Variants in CNTN5 observed in about 807,000 individuals in gnomAD.
CNTN5 encodes the protein contactin 5, also known as contactin-5.
A neutral mutation model predicts 129.1 loss-of-function variants in CNTN5; 77 were observed. The observed-to-expected ratio is 0.60, with a 90% CI of 0.50 to 0.72. The LOEUF is 0.72. Ranked by LOEUF, CNTN5 falls within the 30% of genes least tolerant of loss-of-function variation. CNTN5 has a pLI of 0.00. For synonymous variants in CNTN5, 509 were observed against 465.6 expected (o/e 1.09, Z -1.20); for missense variants, 1,478 against 1,328.8 (o/e 1.11, Z -1.75).
At chr11:99,320,535 G>A (rs1432580387) in intron 1 of CNTN5, among the ~76,000 whole-genome samples, 1 of 152,096 alleles carries the variant, frequency 6.6e-6, no homozygotes. Context: ...AGGAATTAAA[G>A]AAAGCCAGAA....
intron 1 of CNTN5, among the ~76,000 whole-genome samples, chr11:99,239,170 A>G (rs1031465046): frequency 2.0e-5 from 3 of 152,182 alleles, no homozygotes; most frequent in East Asian, 3.9e-4. Flanking sequence ...ATATTTTCCA[A>G]TTGAGATGTA....
intron 1 of CNTN5, among the ~76,000 whole-genome samples, chr11:99,294,391 G>T (rs547873866): frequency 6.6e-5 from 10 of 152,174 alleles, no homozygotes; most frequent in Non-Finnish European, 1.0e-4. Context: ...ATTTGAAAAA[G>T]AAATTAGGAA....
At position 99,927,746 on chromosome 11, in the gene CNTN5, A is replaced by T. The variant is rs182503469; in HGVS notation, c.673+11597A>T. 5.3e-5 allele frequency among the ~76,000 whole-genome samples: 8 copies of T among 152,212 alleles called. No homozygotes were observed. The East Asian group carries it at 1.6e-3, about 30-fold the overall frequency. On this transcript the variant is annotated intron_variant, in intron 7 of 24. Coordinates refer to ENST00000524871, the MANE Select transcript of CNTN5 (RefSeq NM_014361.4). ...TATGGGAGCTTCAATTCAAAATGAG[A>T]TTTGTATGGAGACACAGCCAAATCA...
intron 18 of CNTN5, 45 bp downstream of exon 18, chr11:100,271,286 C>T (rs753928868): frequency 6.8e-6 from 10 of 1,463,916 alleles, no homozygotes; most frequent in Admixed American, 2.2e-5. Flanking sequence ...TGCTTCTAAT[C>T]GTCTTGAAAG....
chr11:99,457,509 C>T (rs1183679078), intron 2 of CNTN5, among the ~76,000 whole-genome samples: 1 of 151,648 alleles, frequency 6.6e-6, no homozygotes, highest in Non-Finnish European at 1.5e-5. Context: ...AAAACAATAG[C>T]TGTATGTGGA....
intron 2 of CNTN5, among the ~76,000 whole-genome samples, chr11:99,381,203 T>C (rs1940538194): frequency 6.6e-6 from 1 of 152,068 alleles, no homozygotes; most frequent in South Asian, 2.1e-4. Context: ...CGGTAAGTGC[T>C]ACAATATAAA....
At chr11:99,889,865 C>G (rs1204877642) in intron 6 of CNTN5, among the ~76,000 whole-genome samples, 1 of 152,018 alleles carries the variant, frequency 6.6e-6, no homozygotes, top group Non-Finnish European at 1.5e-5. Context: ...CTTATACTTC[C>G]AAAATACTAT....
At chr11:99,257,545 T>A (rs986026264) in intron 1 of CNTN5, among the ~76,000 whole-genome samples, 1 of 152,080 alleles carries the variant, frequency 6.6e-6, no homozygotes, top group African/African-American at 2.4e-5. Context: ...TATTCATTGA[T>A]TTTTTTAATG....
At position 99,652,682 on chromosome 11, in the gene CNTN5, T is replaced by G. The variant is rs545960630; in HGVS notation, c.55+96413T>G. Among the ~76,000 whole-genome samples the G allele has an allele frequency of 2.2e-3, 341 of 152,236 alleles. 1 individual carries two copies. Among genetic ancestry groups the G allele is most frequent in the African/African-American group, 7.5e-3 (311 of 41,564 alleles). ...ATAATTTATATAACTTAGTCCATTTTGTACAACTATTTAAGTTTGCAGTCG... is the reference window on the plus strand; with the variant it reads ...ATAATTTATATAACTTAGTCCATTTGGTACAACTATTTAAGTTTGCAGTCG... On this transcript the variant is annotated intron_variant, in intron 3 of 24. Coordinates refer to ENST00000524871, the MANE Select transcript of CNTN5 (RefSeq NM_014361.4).
chr11:99,680,344 T>G (rs762737575), intron 3 of CNTN5, among the ~76,000 whole-genome samples: 7 of 152,146 alleles, frequency 4.6e-5, no homozygotes, highest in Non-Finnish European at 7.4e-5. Context: ...ATTGTTAAGT[T>G]GTAATGCACC....
intron 13 of CNTN5, among the ~76,000 whole-genome samples, chr11:100,108,628 C>T (rs761313862): frequency 2.2e-4 from 34 of 152,202 alleles, no homozygotes; most frequent in Middle Eastern, 6.8e-3. Context: ...TTTGAGTCCC[C>T]ATTATATATG....
chr11:99,101,617 A>C (rs932712068), intron 1 of CNTN5, among the ~76,000 whole-genome samples: 1 of 152,212 alleles, frequency 6.6e-6, no homozygotes, highest in African/African-American at 2.4e-5. Flanking sequence ...TGGGGCAGTC[A>C]AATCTATGAA....
At chr11:100,261,809 T>A (rs548424096) in intron 17 of CNTN5, among the ~76,000 whole-genome samples, 110 of 152,092 alleles carry the variant, frequency 7.2e-4, no homozygotes, top group African/African-American at 1.9e-3. Context: ...AAGATGGATT[T>A]AAGACTTAAA....
chr11:99,136,408 AT>A (rs1274018472), intron 1 of CNTN5, among the ~76,000 whole-genome samples: 34 of 152,062 alleles, frequency 2.2e-4, no homozygotes, highest in African/African-American at 8.2e-4. Flanking sequence ...AAACCTAATT[AT>A]TTTTTGTCCC....
intron 1 of CNTN5, among the ~76,000 whole-genome samples, chr11:99,182,277 G>A (rs933397337): frequency 6.6e-6 from 1 of 152,174 alleles, no homozygotes; most frequent in Non-Finnish European, 1.5e-5. Context: ...TCAAATTGAA[G>A]TAAATGCTGC....
At chr11:99,460,912 C>A (rs1033836993) in intron 2 of CNTN5, among the ~76,000 whole-genome samples, 2 of 151,820 alleles carry the variant, frequency 1.3e-5, no homozygotes, top group East Asian at 3.9e-4. Flanking sequence ...TTTAAAATGC[C>A]CATATGAAGA....
chr11:99,350,813 G>A (rs960252002), intron 2 of CNTN5, among the ~76,000 whole-genome samples: 2 of 152,080 alleles, frequency 1.3e-5, no homozygotes, highest in Non-Finnish European at 2.9e-5. Context: ...GATTTCGGTA[G>A]GGGATGATTG....
At chr11:99,872,888 A>T (rs1354228633) in intron 6 of CNTN5, among the ~76,000 whole-genome samples, 4 of 152,180 alleles carry the variant, frequency 2.6e-5, no homozygotes, top group Non-Finnish European at 5.9e-5. Flanking sequence ...TTCATAAATC[A>T]TCTAAAAAAT....
chr11:99,196,375 A>AT (rs1283731696), intron 1 of CNTN5, among the ~76,000 whole-genome samples: 1 of 151,798 alleles, frequency 6.6e-6, no homozygotes, highest in Non-Finnish European at 1.5e-5. Flanking sequence ...TTCTTTAGAG[A>AT]TTTTGGGTTT....
Sources: allele counts gnomAD v4.1 joint callset (sites outside exome capture counted in the v4.1 genomes callset), GRCh38; gene constraint gnomAD v4.1.1; transcripts MANE v1.5; gene names NCBI Gene and HGNC (gene_info 2026-07-23, HGNC 2026-07-21).